Variants in NEK6 observed in about 807,000 individuals in gnomAD.
The protein encoded by NEK6 is NIMA related kinase 6.
Under a neutral mutation model 43.5 loss-of-function variants are expected in NEK6, and 27 were observed. The observed-to-expected ratio is 0.62, with a 90% CI of 0.46 to 0.86. The LOEUF (loss-of-function observed/expected upper bound fraction) is 0.86. Ranked by LOEUF, NEK6 falls within the 40% of genes least tolerant of loss-of-function variation. The pLI is 0.00. For synonymous variants in NEK6, 167 were observed against 164.1 expected (o/e 1.02, Z -0.14); for missense variants, 318 against 414.4 (o/e 0.77, Z 2.02).
rs1011165754 is a variant in NEK6, at chr9:124,286,817, G to A, written c.-29-15119G>A. Among the ~76,000 whole-genome samples the A allele has an allele frequency of 1.4e-4, 22 of 152,206 alleles. 1 individual carries two copies. Among genetic ancestry groups the A allele is most frequent in the South Asian group, 6.2e-4 (3 of 4,834 alleles). The stretch of plus-strand genomic sequence containing the variant: ...CAGCCTAGGGTGTGAGTCTGTCTCC[G>A]AAGCTGCTGACATGAGTAGGGACTT... On this transcript the variant is annotated intron_variant, in intron 1 of 9. Transcript: ENST00000320246.
At chr9:124,317,894 TG>T (rs1833895512) in intron 4 of NEK6, among the ~76,000 whole-genome samples, 1 of 152,264 alleles carries the variant, frequency 6.6e-6, no homozygotes, top group Admixed American at 6.5e-5. Flanking sequence ...ATTGTATACA[TG>T]TACCACATTT....
chr9:124,350,750 A>G lies in NEK6; in HGVS notation c.832-87A>G, dbSNP rs183739074. ...GGACCATCTAGTTGCTCTGAGGATG[A>G]AGTGCCTTCATGCAGACAGACTGTG... On this transcript the variant is annotated intron_variant, in intron 9 of 9. Transcript: ENST00000320246. 55 of 893,728 alleles carry G rather than the reference A, an allele frequency of 6.2e-5. No homozygotes were observed. The African/African-American group carries it at 8.7e-4, about 14-fold the overall frequency. 55.4% of individuals were successfully genotyped at this position (893,728 alleles called of 1,614,324 possible). A position where few individuals can be genotyped will look rare whatever the true frequency, so the allele number is the denominator to read the frequency against.
chr9:124,307,197 G>A (rs1195304593), intron 2 of NEK6, among the ~76,000 whole-genome samples: 6 of 151,938 alleles, frequency 3.9e-5, no homozygotes, highest in Admixed American at 3.3e-4. Flanking sequence ...TCAAATTAGC[G>A]CAGGGTGGGG....
intron 1 of NEK6, among the ~76,000 whole-genome samples, chr9:124,299,466 A>T (rs988883584): frequency 5.3e-5 from 8 of 152,134 alleles, no homozygotes; most frequent in African/African-American, 1.9e-4. Flanking sequence ...GCTCGTGTTT[A>T]TCTGTTTATC....
intron 1 of NEK6, among the ~76,000 whole-genome samples, chr9:124,272,682 C>T (rs1310443814): frequency 6.6e-6 from 1 of 152,254 alleles, no homozygotes; most frequent in Non-Finnish European, 1.5e-5. Flanking sequence ...ACCGCTCCCC[C>T]TAACGCTGCT....
intron 5 of NEK6, 55 bp downstream of exon 5, chr9:124,321,624 G>A (rs1352553275): frequency 8.5e-7 from 1 of 1,175,572 alleles, no homozygotes; most frequent in Admixed American, 1.7e-5. Context: ...GGAGCCAAAG[G>A]TGGCAGTCTT....
chr9:124,281,425 C>T (rs993639166), intron 1 of NEK6, among the ~76,000 whole-genome samples: 5 of 150,568 alleles, frequency 3.3e-5, no homozygotes, highest in Non-Finnish European at 1.5e-5. Flanking sequence ...CGCGGACCCA[C>T]GGTGAAATAA....
At chr9:124,283,397 G>T (rs1203608440) in intron 1 of NEK6, among the ~76,000 whole-genome samples, 1 of 152,246 alleles carries the variant, frequency 6.6e-6, no homozygotes, top group East Asian at 1.9e-4. Flanking sequence ...TAGCTGAGAC[G>T]ACCGGGCAGG....
At chr9:124,281,173 C>T (rs1831886178) in intron 1 of NEK6, among the ~76,000 whole-genome samples, 1 of 152,362 alleles carries the variant, frequency 6.6e-6, no homozygotes, top group South Asian at 2.1e-4. Context: ...GGGCCTCTTC[C>T]CTCAGACCAG....
intron 1 of NEK6, among the ~76,000 whole-genome samples, chr9:124,299,430 C>T (rs1271546474): frequency 1.3e-5 from 2 of 152,208 alleles, no homozygotes; most frequent in Non-Finnish European, 2.9e-5. Context: ...CTCATATTCC[C>T]CCTAACAAAG....
In NEK6 at chr9:124,343,938, T is replaced by A. The variant is rs985953637; in HGVS notation, c.718-3771T>A. On this transcript the variant is annotated intron_variant, in intron 8 of 9. Coordinates refer to ENST00000320246, the MANE Select transcript of NEK6 (RefSeq NM_014397.6). The surrounding 1 kb of genome is among the most constrained non-coding windows in gnomAD (Gnocchi z 5.1). The stretch of plus-strand genomic sequence containing the variant: ...AGCAACATAAGTTTACTCTCTTAGA[T>A]CTCGAGGATTCTGGAGGCCAGATGT... Among the ~76,000 whole-genome samples, 1 of 152,168 alleles carries A rather than the reference T, an allele frequency of 6.6e-6. No homozygotes were observed. The highest frequency in any genetic ancestry group is 1.5e-5 in the Non-Finnish European group (1 of 68,030).
intron 7 of NEK6, among the ~76,000 whole-genome samples, chr9:124,327,748 G>A (rs1166132336): frequency 6.6e-6 from 1 of 152,226 alleles, no homozygotes; most frequent in East Asian, 1.9e-4. Flanking sequence ...TCTTCCCACT[G>A]CTGTGAGTGT....
Position 124,343,649 on chromosome 9 carries a change from C to T in NEK6, c.717+3984C>T, listed in dbSNP as rs117431910. Among the ~76,000 whole-genome samples the T allele has an allele frequency of 1.0e-3, 154 of 152,288 alleles. 1 individual carries two copies. In the East Asian group the frequency reaches 0.026, roughly 26 times the overall value. ...TAATTGGAAAGAGGCCTCCCGCAGTCACGCCCGGAGCCTCCCGCCCCACAG... is the reference window on the plus strand; with the variant it reads ...TAATTGGAAAGAGGCCTCCCGCAGTTACGCCCGGAGCCTCCCGCCCCACAG... On this transcript the variant is annotated intron_variant, in intron 8 of 9. Transcript: ENST00000320246. The surrounding 1 kb of genome is among the most constrained non-coding windows in gnomAD (Gnocchi z 5.1).
chr9:124,351,912 G>C lies in NEK6; in HGVS notation c.*965G>C, dbSNP rs910668705. The stretch of plus-strand genomic sequence containing the variant: ...TGCAAGTTAGCTAATACAAAAAGTA[G>C]ATGATCCAAAAATGGTAGCCACTCA... On this transcript the variant is annotated 3_prime_UTR_variant, in exon 10 of 10. Transcript: ENST00000320246. 12 of 152,564 alleles carry C rather than the reference G, an allele frequency of 7.9e-5. No individual in the cohort carries two copies. Among genetic ancestry groups the C allele is most frequent in the African/African-American group, 2.7e-4 (11 of 41,424 alleles). 9.5% of individuals were successfully genotyped at this position (152,564 alleles called of 1,614,324 possible).
intron 4 of NEK6, among the ~76,000 whole-genome samples, chr9:124,315,952 AG>A (rs935398793): frequency 6.6e-6 from 1 of 152,230 alleles, no homozygotes; most frequent in Non-Finnish European, 1.5e-5. Context: ...GGAGTCAGTG[AG>A]GAAGCATGTC....
chr9:124,345,861 CGA>C lies in NEK6; in HGVS notation c.718-1844_718-1843del, dbSNP rs564836243. Among the ~76,000 whole-genome samples the C allele has an allele frequency of 2.3e-4, 35 of 152,328 alleles. No individual in the cohort carries two copies. The East Asian group carries it at 4.2e-3, about 18-fold the overall frequency. On this transcript the variant is annotated intron_variant, in intron 8 of 9. Transcript: ENST00000320246. ...AAATGCCCGATTAACCCTTTGCACCCGAGAGTCTCATTTTAATTCCTGGACAT... is the reference window on the plus strand; with the variant it reads ...AAATGCCCGATTAACCCTTTGCACCCGAGTCTCATTTTAATTCCTGGACAT...
At chr9:124,344,567 G>C (rs1479402976) in intron 8 of NEK6, among the ~76,000 whole-genome samples, 1 of 152,244 alleles carries the variant, frequency 6.6e-6, no homozygotes. Context: ...GGTGGGAGCT[G>C]GGAGCAACAA....
At chr9:124,332,095 A>G (rs1303105305) in intron 7 of NEK6, among the ~76,000 whole-genome samples, 1 of 152,196 alleles carries the variant, frequency 6.6e-6, no homozygotes, top group Non-Finnish European at 1.5e-5. Context: ...GGAGGGAAGG[A>G]GAGGGAAGGG....
At chr9:124,286,665 A>T (rs751891330) in intron 1 of NEK6, among the ~76,000 whole-genome samples, 2 of 152,118 alleles carry the variant, frequency 1.3e-5, no homozygotes, top group Non-Finnish European at 2.9e-5. Flanking sequence ...TGGGCTCCTG[A>T]GCCACTCGGG....
Sources: allele counts gnomAD v4.1 joint callset (sites outside exome capture counted in the v4.1 genomes callset), GRCh38; gene constraint gnomAD v4.1.1; non-coding constraint Gnocchi (gnomAD v3.1); transcripts MANE v1.5; gene names NCBI Gene and HGNC (gene_info 2026-07-23, HGNC 2026-07-21).